The following ESR1 variants were observed in gnomAD, a reference collection of about 807,000 sequenced individuals.
ESR1 encodes the protein estrogen receptor.
ESR1 carries 12 observed loss-of-function variants against 52.7 expected under a neutral mutation model. The ratio of observed to expected loss-of-function variants is 0.23; its 90% CI spans 0.15 to 0.37. ESR1 has a LOEUF of 0.37. Ranked by LOEUF, ESR1 falls within the 10% of genes least tolerant of loss-of-function variation. The pLI is 1.00. For missense variants in ESR1, 584 were observed against 779.7 expected, an observed-to-expected ratio of 0.75 and a Z score of 2.99; for synonymous variants, 305 against 316.8, an observed-to-expected ratio of 0.96 and a Z score of 0.39.
intron 2 of ESR1, among the ~76,000 whole-genome samples, chr6:151,785,117 A>G (rs932265638): frequency 3.0e-4 from 46 of 152,220 alleles, no homozygotes; most frequent in Admixed American, 2.4e-3. Context: ...ATCTAGACTC[A>G]TGTTTGATTA....
intron 1 of ESR1, among the ~76,000 whole-genome samples, chr6:151,824,264 T>C (rs9479124): frequency 0.23 from 34,286 of 152,158 alleles, 4,837 homozygotes; most frequent in African/African-American, 0.4. Flanking sequence ...GCTGCATAAA[T>C]GTCTTCTTTT....
chr6:152,122,933 AC>A lies in ESR1; in HGVS notation c.851-2329del, dbSNP rs536663240. On this transcript the variant is annotated intron_variant, in intron 6 of 6. Transcript: ENST00000427531. ...ATTAGGTTCAAATTCTACTCCTTTT[AC>A]CCCTTAATGTGGTGAAACATTTTCT... is the stretch of plus-strand genomic sequence containing the variant. Among the ~76,000 whole-genome samples, 134 of 152,320 alleles carry A rather than the reference AC, an allele frequency of 8.8e-4. 1 individual carries two copies. Among genetic ancestry groups the A allele is most frequent in the African/African-American group, 3.1e-3 (129 of 41,568 alleles).
At chr6:152,083,760 CA>C (rs1205824939) in intron 6 of ESR1, among the ~76,000 whole-genome samples, 3 of 152,104 alleles carry the variant, frequency 2.0e-5, no homozygotes, top group African/African-American at 7.2e-5. Flanking sequence ...AACAAATTTA[CA>C]AGAAAAAAAC....
chr6:151,683,779 A>G (rs1460464936), intron 1 of ESR1, among the ~76,000 whole-genome samples: 4 of 151,058 alleles, frequency 2.6e-5, no homozygotes, highest in Non-Finnish European at 5.9e-5. Context: ...GGTCACTGAA[A>G]CCTCCACCTC....
intron 2 of ESR1, among the ~76,000 whole-genome samples, chr6:151,775,069 A>C (rs1785842193): frequency 6.6e-6 from 1 of 152,210 alleles, no homozygotes; most frequent in Non-Finnish European, 1.5e-5. Context: ...ATTTATATGC[A>C]TGACTCCTCT....
chr6:151,870,902 AG>A (rs1790828616), intron 2 of ESR1, among the ~76,000 whole-genome samples: 2 of 151,836 alleles, frequency 1.3e-5, no homozygotes, highest in Non-Finnish European at 2.9e-5. Context: ...CCCAGGCTGA[AG>A]TGCAGTGGCA....
At chr6:151,795,519 T>C (rs1776611971) in intron 2 of ESR1, among the ~76,000 whole-genome samples, 1 of 148,180 alleles carries the variant, frequency 6.7e-6, no homozygotes, top group African/African-American at 2.5e-5. Context: ...TCTGGAAAGA[T>C]AGATTACTTG....
chr6:151,907,149 A>G (rs1477385789), intron 3 of ESR1, among the ~76,000 whole-genome samples: 1 of 151,988 alleles, frequency 6.6e-6, no homozygotes, highest in Non-Finnish European at 1.5e-5. Flanking sequence ...TGTCTTTATA[A>G]TTACTTTGAC....
intron 6 of ESR1, among the ~76,000 whole-genome samples, chr6:152,079,831 A>ACT: frequency 6.6e-6 from 1 of 152,332 alleles, no homozygotes; most frequent in East Asian, 1.9e-4. Flanking sequence ...CAGCATGAGA[A>ACT]CTTCGTGATG....
At chr6:151,899,038 C>A (rs1796052235) in intron 3 of ESR1, among the ~76,000 whole-genome samples, 2 of 149,486 alleles carry the variant, frequency 1.3e-5, no homozygotes, top group Non-Finnish European at 3.0e-5. Context: ...GCTGAACCCC[C>A]ACCTCCCTCC....
intron 6 of ESR1, among the ~76,000 whole-genome samples, chr6:152,078,825 C>G (rs1439197780): frequency 6.6e-6 from 1 of 152,262 alleles, no homozygotes; most frequent in Non-Finnish European, 1.5e-5. Flanking sequence ...GATACCCTCC[C>G]TTGCCTGGCT....
At chr6:151,951,503 CTGTCCTGCTTGG>C (rs2036318036) in intron 4 of ESR1, among the ~76,000 whole-genome samples, 1 of 152,204 alleles carries the variant, frequency 6.6e-6, no homozygotes, top group African/African-American at 2.4e-5. Flanking sequence ...TGTGATTCAT[CTGTCCTGCTTGG>C]ACATATTTAG....
chr6:151,834,915 C>T (rs1484799753), intron 1 of ESR1, among the ~76,000 whole-genome samples: 1 of 151,868 alleles, frequency 6.6e-6, no homozygotes, highest in Non-Finnish European at 1.5e-5. Context: ...GCTGGGCCTT[C>T]CAGGTCACGG....
At chr6:152,093,664 A>G (rs2050382241) in intron 6 of ESR1, among the ~76,000 whole-genome samples, 2 of 152,268 alleles carry the variant, frequency 1.3e-5, no homozygotes, top group South Asian at 2.1e-4. Flanking sequence ...TAGGCGAGAG[A>G]GGAAAAACTT....
rs1777930262 is a variant in ESR1 at position 151,669,137 on chromosome 6, T to C, written n.73+12374T>C. Among the ~76,000 whole-genome samples, 3 of 53,482 alleles carry C rather than the reference T, an allele frequency of 5.6e-5. No homozygotes were observed. In the South Asian group the frequency reaches 1.9e-3, roughly 33 times the overall value. 35.1% of individuals were successfully genotyped at this position (53,482 alleles called of 152,430 possible). ...ACTCACAACAGTGGTAGGAAGCTCT[T>C]TGGGAGCTGGGAGAGAGAGAGAGAG... is the stretch of plus-strand genomic sequence containing the variant. On this transcript the variant is annotated intron_variant and non_coding_transcript_variant, in intron 1 of 2. Transcript: ENST00000473497.
chr6:151,925,049 A>T (rs1431258066), intron 3 of ESR1, among the ~76,000 whole-genome samples: 1 of 152,014 alleles, frequency 6.6e-6, no homozygotes, highest in African/African-American at 2.4e-5. Flanking sequence ...GCTTTCCACA[A>T]TGGGTGAACT....
Position 152,094,539 on chromosome 6 carries a change from C to G in ESR1, c.1524C>G (p.Leu508=), listed in dbSNP as rs2152496593. 1.2e-6 allele frequency: 2 copies of G among 1,614,128 alleles called. No homozygotes were observed. The highest frequency in any genetic ancestry group is 1.7e-6 in the Non-Finnish European group (2 of 1,180,038). ...QQQHQRLAQL[L]LILSHIRHMS... ...AGCACCAGCGGCTGGCCCAGCTCCT[C>G]CTCATCCTCTCCCACATCAGGCACA... Residue 508 remains leucine (L), a synonymous_variant, in exon 7 of 8, where the codon CTC becomes CTG. Coordinates refer to ENST00000206249, the MANE Select transcript of ESR1 (RefSeq NM_000125.4). The surrounding 1 kb of genome is among the most constrained non-coding windows in gnomAD (Gnocchi z 4.6).
chr6:152,009,742 A>G (rs2042615304), intron 4 of ESR1, among the ~76,000 whole-genome samples: 1 of 152,174 alleles, frequency 6.6e-6, no homozygotes, highest in Non-Finnish European at 1.5e-5. Context: ...TTTAACCAAG[A>G]GAAATAAAAG....
At chr6:152,118,855 G>C (rs1052531673) in intron 6 of ESR1, among the ~76,000 whole-genome samples, 2 of 152,156 alleles carry the variant, frequency 1.3e-5, no homozygotes, top group African/African-American at 2.4e-5. Context: ...AGGGAGCTTG[G>C]AGCAGTTCCT....
Sources: gnomAD v4.1 joint callset for allele counts (sites outside exome capture counted in the v4.1 genomes callset) on GRCh38, gnomAD v4.1.1 for gene constraint, Gnocchi (gnomAD v3.1) non-coding constraint, MANE v1.5 for transcripts, NCBI Gene and HGNC (gene_info 2026-07-23, HGNC 2026-07-21) for gene names.